The following FTO variants were observed in gnomAD, a reference collection of about 807,000 sequenced individuals.
The protein encoded by FTO is alpha-ketoglutarate-dependent dioxygenase FTO.
FTO carries 47 observed loss-of-function variants against 63.9 expected under a neutral mutation model. The observed-to-expected ratio is 0.74, with a 90% CI of 0.58 to 0.94. The LOEUF (loss-of-function observed/expected upper bound fraction) is 0.94. FTO is among the 40% of genes least tolerant of loss of function. The probability of loss-of-function intolerance (pLI) is 0.00; values close to 1 mark genes in which losing one functional copy is unlikely to be tolerated. For synonymous variants in FTO, 207 were observed against 224.4 expected (o/e 0.92, Z 0.69); for missense variants, 562 against 618.1 (o/e 0.91, Z 0.96).
At chr16:54,109,727 A>G (rs1169205494) in intron 8 of FTO, among the ~76,000 whole-genome samples, 2 of 152,234 alleles carry the variant, frequency 1.3e-5, no homozygotes, top group African/African-American at 4.8e-5. Flanking sequence ...CTTGTACAAC[A>G]CAGCATAAGC....
chr16:54,048,662 C>T (rs1407419843), intron 8 of FTO, among the ~76,000 whole-genome samples: 2 of 152,160 alleles, frequency 1.3e-5, no homozygotes, highest in Non-Finnish European at 2.9e-5. Flanking sequence ...CATGCCATCC[C>T]AATTCTGGTC....
intron 8 of FTO, among the ~76,000 whole-genome samples, chr16:54,022,235 A>G (rs955294824): frequency 3.3e-5 from 5 of 152,314 alleles, no homozygotes; most frequent in Admixed American, 2.6e-4. Context: ...AGCGTCTCCT[A>G]GGTGAGCGGC....
At chr16:53,994,127 C>G (rs2083877611) in intron 8 of FTO, 1 of 152,156 alleles carries the variant, frequency 6.6e-6, no homozygotes, top group African/African-American at 2.4e-5. Context: ...CATTGACTCT[C>G]AATTGCCAAC....
At chr16:53,870,365 C>G (rs999140876) in intron 4 of FTO, among the ~76,000 whole-genome samples, 2 of 152,176 alleles carry the variant, frequency 1.3e-5, no homozygotes, top group Non-Finnish European at 2.9e-5. Context: ...TAAGATGGAG[C>G]TCCCCTGGAC....
At chr16:53,980,888 A>G (rs2083526687) in intron 8 of FTO, among the ~76,000 whole-genome samples, 1 of 152,226 alleles carries the variant, frequency 6.6e-6, no homozygotes, top group African/African-American at 2.4e-5. Context: ...CCACTTGCTG[A>G]TACAGTTTAG....
At chr16:53,738,128 C>T (rs372085131) in intron 1 of FTO, among the ~76,000 whole-genome samples, 13 of 150,444 alleles carry the variant, frequency 8.6e-5, no homozygotes, top group East Asian at 1.9e-4. Context: ...TGGGTTCAAG[C>T]GATTCTGCCT....
intron 1 of FTO, among the ~76,000 whole-genome samples, chr16:53,759,693 CAAAAAAA>C (rs758376530): frequency 8.1e-4 from 23 of 28,508 alleles, no homozygotes; most frequent in African/African-American, 2.3e-3. Flanking sequence ...GACTCCTTCT[CAAAAAAA>C]AAAAAAAAAA....
At chr16:53,844,737 A>AG (rs1400092071) in intron 4 of FTO, among the ~76,000 whole-genome samples, 2 of 150,542 alleles carry the variant, frequency 1.3e-5, no homozygotes, top group Non-Finnish European at 3.0e-5. Flanking sequence ...TGAGATTTAC[A>AG]GGACCATGCC....
At chr16:53,857,441 TC>T (rs199732413) in intron 4 of FTO, among the ~76,000 whole-genome samples, 3,884 of 67,952 alleles carry the variant, frequency 0.057, 68 homozygotes, top group African/African-American at 0.1. Flanking sequence ...GAGAACCTGG[TC>T]TCTCTCTCTC....
At chr16:53,905,582 C>T (rs2081515715) in intron 7 of FTO, among the ~76,000 whole-genome samples, 1 of 152,162 alleles carries the variant, frequency 6.6e-6, no homozygotes, top group Admixed American at 6.5e-5. Context: ...ATGTATAATC[C>T]ATGCTTTCCA....
At chr16:53,906,025 T>C (rs554009424) in intron 7 of FTO, among the ~76,000 whole-genome samples, 1 of 152,226 alleles carries the variant, frequency 6.6e-6, no homozygotes, top group African/African-American at 2.4e-5. Context: ...CTCTGGAATG[T>C]AATTTCTCTG....
At chr16:53,919,034 G>A (rs1344503) in intron 7 of FTO, among the ~76,000 whole-genome samples, 23,803 of 152,092 alleles carry the variant, frequency 0.16, 2,181 homozygotes, top group African/African-American at 0.25. Flanking sequence ...AGCACTTTCC[G>A]AACTTTGTCA....
chr16:53,739,486 T>A (rs1434441462), intron 1 of FTO, among the ~76,000 whole-genome samples: 1 of 152,002 alleles, frequency 6.6e-6, no homozygotes, highest in Non-Finnish European at 1.5e-5. Context: ...AGTGCTGGGA[T>A]TACAGGTGTG....
In FTO at chr16:54,067,147, T is replaced by C. The variant is rs1162450301; in HGVS notation, c.1365-44615T>C. 2.7e-5 allele frequency among the ~76,000 whole-genome samples: 4 copies of C among 150,834 alleles called. No individual in the cohort carries two copies. In the East Asian group the frequency reaches 7.7e-4, roughly 29 times the overall value. ...TGTTTTTGGTTGTTGTTGTTTTTTT[T>C]TTGTTTTCTTTTTTTGAATAGACTT... On this transcript the variant is annotated intron_variant, in intron 8 of 8. Coordinates refer to ENST00000471389, the MANE Select transcript of FTO (RefSeq NM_001080432.3).
intron 7 of FTO, among the ~76,000 whole-genome samples, chr16:53,903,070 A>G (rs939443156): frequency 1.3e-5 from 2 of 152,128 alleles, no homozygotes; most frequent in African/African-American, 4.8e-5. Flanking sequence ...TGGTAGCACC[A>G]CTGTGCTCTA....
chr16:53,897,446 G>A (rs2081303147), intron 7 of FTO, among the ~76,000 whole-genome samples: 2 of 152,114 alleles, frequency 1.3e-5, no homozygotes, highest in South Asian at 2.1e-4. Flanking sequence ...AGCCATATCT[G>A]CATTGGTTAT....
chr16:53,981,222 G>A (rs2083535121), intron 8 of FTO: 1 of 152,474 alleles, frequency 6.6e-6, no homozygotes, highest in Admixed American at 6.5e-5. Context: ...CTAATCAGAA[G>A]GCTGAGGCGG....
At position 53,901,981 on chromosome 16, in the gene FTO, C is replaced by G. The variant is rs560248801; in HGVS notation, c.1239+13030C>G. Among the ~76,000 whole-genome samples, 33 of 152,240 alleles carry G rather than the reference C, an allele frequency of 2.2e-4. No individual in the cohort carries two copies. In the South Asian group the frequency reaches 6.4e-3, roughly 30 times the overall value. On this transcript the variant is annotated intron_variant, in intron 7 of 8. Transcript: ENST00000471389. ...GACATAGAGAAATGATACTATGGGA[C>G]TACTGTTTCATTTTACCAAAGAAAC...
intron 8 of FTO, among the ~76,000 whole-genome samples, chr16:54,066,657 C>G (rs2085741186): frequency 6.6e-6 from 1 of 152,202 alleles, no homozygotes; most frequent in African/African-American, 2.4e-5. Flanking sequence ...CTGGCACTGC[C>G]CACCATTTGC....
Sources: gnomAD v4.1 joint callset for allele counts (sites outside exome capture counted in the v4.1 genomes callset) on GRCh38, gnomAD v4.1.1 for gene constraint, MANE v1.5 for transcripts, NCBI Gene and HGNC (gene_info 2026-07-23, HGNC 2026-07-21) for gene names.